Variants in USP13 observed in about 807,000 individuals in gnomAD.
The protein encoded by USP13 is ubiquitin specific peptidase 13.
In USP13, 68 loss-of-function variants were observed where a neutral mutation model predicts 107.8. The ratio of observed to expected loss-of-function variants is 0.63; its 90% confidence interval spans 0.52 to 0.77. The LOEUF (loss-of-function observed/expected upper bound fraction) is 0.77. USP13 is among the 30% of genes least tolerant of loss of function. The probability of loss-of-function intolerance (pLI) is 0.00; values close to 1 mark genes in which losing one functional copy is unlikely to be tolerated. For synonymous variants in USP13, 377 were observed against 389.5 expected (o/e 0.97, Z 0.38); for missense variants, 945 against 1,093.3 (o/e 0.86, Z 1.91).
intron 1 of USP13, among the ~76,000 whole-genome samples, chr3:179,666,495 A>C (rs1431563094): frequency 6.6e-6 from 1 of 151,988 alleles, no homozygotes; most frequent in Non-Finnish European, 1.5e-5. Context: ...CAGCTCCTTC[A>C]CCAGTGTCTC....
At chr3:179,659,236 T>G (rs557877309) in intron 1 of USP13, among the ~76,000 whole-genome samples, 1 of 152,326 alleles carries the variant, frequency 6.6e-6, no homozygotes, top group Non-Finnish European at 1.5e-5. Context: ...CTCCATCTAC[T>G]TGTGGGAACA....
At chr3:179,692,474 A>G (rs957507843) in intron 3 of USP13, among the ~76,000 whole-genome samples, 17 of 152,142 alleles carry the variant, frequency 1.1e-4, no homozygotes, top group African/African-American at 3.6e-4. Context: ...TTACTTCTCA[A>G]CCTGTCTTTG....
chr3:179,745,975 C>G (rs1714392236), intron 13 of USP13, among the ~76,000 whole-genome samples: 1 of 151,928 alleles, frequency 6.6e-6, no homozygotes, highest in Non-Finnish European at 1.5e-5. Flanking sequence ...TATCACTGCA[C>G]TTAATTGGAA....
rs139949485 is a variant in USP13 at position 179,736,606 on chromosome 3, A to G, written c.1255-3641A>G. Reference sequence around the variant, plus strand: ...TCAAATAACTTCTAAATGATCGACAACTCTCAAGCAATAACTTGACTGTTG... The same window carrying G: ...TCAAATAACTTCTAAATGATCGACAGCTCTCAAGCAATAACTTGACTGTTG... On this transcript the variant is annotated intron_variant, in intron 10 of 20. Transcript: ENST00000263966. Among the ~76,000 whole-genome samples, 1,193 of 152,338 alleles carry G rather than the reference A, an allele frequency of 7.8e-3. 14 individuals carry two copies. The highest frequency in any genetic ancestry group is 0.027 in the African/African-American group (1,128 of 41,568).
At chr3:179,658,861 G>C (rs2108431320) in intron 1 of USP13, among the ~76,000 whole-genome samples, 1 of 152,324 alleles carries the variant, frequency 6.6e-6, no homozygotes, top group South Asian at 2.1e-4. Flanking sequence ...TTGACAAGCT[G>C]AGCAGGACCA....
At chr3:179,710,534 T>A (rs1167812302) in intron 6 of USP13, among the ~76,000 whole-genome samples, 2 of 152,238 alleles carry the variant, frequency 1.3e-5, no homozygotes, top group African/African-American at 2.4e-5. Context: ...TGAAAGCAAG[T>A]CTATGTCTTA....
At chr3:179,758,350 C>T (rs185801954) in intron 16 of USP13, among the ~76,000 whole-genome samples, 2 of 152,250 alleles carry the variant, frequency 1.3e-5, no homozygotes, top group East Asian at 3.9e-4. Context: ...CCAGAGGAGC[C>T]TGCCTCTGAC....
At chr3:179,681,630 G>A (rs1470538009) in intron 1 of USP13, among the ~76,000 whole-genome samples, 1 of 151,676 alleles carries the variant, frequency 6.6e-6, no homozygotes, top group Non-Finnish European at 1.5e-5. Context: ...GTTTACACTA[G>A]TTACGCCTTA....
intron 17 of USP13, among the ~76,000 whole-genome samples, chr3:179,763,268 T>C (rs1715067317): frequency 6.6e-6 from 1 of 152,178 alleles, no homozygotes; most frequent in African/African-American, 2.4e-5. Context: ...GTGCTTTTTG[T>C]GTTGTAAATA....
At chr3:179,675,536 T>TTTATTATTATTATTATTA (rs57851865) in intron 1 of USP13, among the ~76,000 whole-genome samples, 29 of 146,358 alleles carry the variant, frequency 2.0e-4, no homozygotes, top group Non-Finnish European at 3.3e-4. Context: ...TGTAACCTAT[T>TTTATTATTATTATTATTA]TTATTATTAT....
intron 1 of USP13, among the ~76,000 whole-genome samples, chr3:179,662,485 C>G (rs1466397538): frequency 2.0e-5 from 3 of 152,160 alleles, no homozygotes; most frequent in Non-Finnish European, 4.4e-5. Flanking sequence ...CTGTTGCCAT[C>G]TTAGTCTTTT....
chr3:179,703,753 A>G (rs1436153114), intron 4 of USP13, among the ~76,000 whole-genome samples: 2 of 152,232 alleles, frequency 1.3e-5, no homozygotes, highest in Non-Finnish European at 2.9e-5. Flanking sequence ...CATTCCGCTG[A>G]CATGCATGTA....
chr3:179,757,270 C>T, intron 16 of USP13, 192 bp downstream of exon 16: 1 of 590,146 alleles, frequency 1.7e-6, no homozygotes, highest in Non-Finnish European at 3.0e-6. Flanking sequence ...GGAGAGTGAC[C>T]ATTAGCATGA....
intron 8 of USP13, among the ~76,000 whole-genome samples, chr3:179,728,032 A>G (rs1271452180): frequency 0.03 from 882 of 29,532 alleles, 240 homozygotes; most frequent in Middle Eastern, 0.068. Context: ...GCTGATCCCC[A>G]CCACCTCCCT....
chr3:179,771,951 C>G (rs1412296830), intron 19 of USP13, among the ~76,000 whole-genome samples: 1 of 152,160 alleles, frequency 6.6e-6, no homozygotes, highest in African/African-American at 2.4e-5. Context: ...TCCTCTGTGC[C>G]AGGCACTTCC....
intron 8 of USP13, among the ~76,000 whole-genome samples, chr3:179,726,487 G>T (rs1412140226): frequency 1.3e-5 from 2 of 152,198 alleles, no homozygotes; most frequent in African/African-American, 4.8e-5. Context: ...GAAGTGAAAG[G>T]AGTGATTGTG....
In USP13 at chr3:179,720,045, C is replaced by G. The variant is rs746554353; in HGVS notation, c.900+11C>G. The G allele has an allele frequency of 3.7e-6, 6 of 1,610,424 alleles. No individual in the cohort carries two copies. The highest frequency in any genetic ancestry group is 5.1e-6 in the Non-Finnish European group (6 of 1,177,786). ...CTTCATATGCATGGGGTGAGGTCTC[C>G]TTTTGTTTCTGTTTCCATCTTGCAT... On this transcript the variant is annotated intron_variant, in intron 7 of 20. Coordinates refer to ENST00000263966, the MANE Select transcript of USP13 (RefSeq NM_003940.3).
At chr3:179,665,372 C>T (rs1006133982) in intron 1 of USP13, among the ~76,000 whole-genome samples, 1 of 152,198 alleles carries the variant, frequency 6.6e-6, no homozygotes, top group Non-Finnish European at 1.5e-5. Flanking sequence ...CTATGCCAGG[C>T]ACTTTTATGT....
At position 179,764,173 on chromosome 3, in the gene USP13, G is replaced by A; in HGVS notation, c.2259+5G>A. On this transcript the variant is annotated splice_donor_5th_base_variant and intron_variant, in intron 18 of 20. Coordinates refer to ENST00000263966, the MANE Select transcript of USP13 (RefSeq NM_003940.3). ...ATTCAGGCACTACGAGCAACGGTGA[G>A]CATGAGAGACTGTGTGTGTGTGTGT... The A allele has an allele frequency of 6.3e-7, 1 of 1,586,630 alleles. No homozygotes were observed. Among genetic ancestry groups the A allele is most frequent in the Non-Finnish European group, 8.5e-7 (1 of 1,171,988 alleles).
Sources: allele counts gnomAD v4.1 joint callset (sites outside exome capture counted in the v4.1 genomes callset), GRCh38; gene constraint gnomAD v4.1.1; transcripts MANE v1.5; gene names NCBI Gene and HGNC (gene_info 2026-07-23, HGNC 2026-07-21).